The following NPAS2 variants were observed in gnomAD, a reference collection of about 807,000 sequenced individuals.
The protein encoded by NPAS2 is neuronal PAS domain-containing protein 2.
NPAS2 carries 23 observed loss-of-function variants against 107.5 expected under a neutral mutation model. The observed-to-expected ratio is 0.21, with a 90% confidence interval of 0.15 to 0.30. The LOEUF is 0.30. NPAS2 is among the 10% of genes least tolerant of loss of function. The pLI is 1.00. For missense variants in NPAS2, 756 were observed against 1,043.3 expected, an observed-to-expected ratio of 0.72 and a Z score of 3.79; for synonymous variants, 403 against 417.5, an observed-to-expected ratio of 0.97 and a Z score of 0.42.
intron 19 of NPAS2, among the ~76,000 whole-genome samples, chr2:100,993,023 G>C (rs746347076): frequency 6.6e-6 from 1 of 151,130 alleles, no homozygotes; most frequent in South Asian, 2.1e-4. Context: ...TCCACCTCCC[G>C]GGTTCAAGCT....
At chr2:100,867,021 G>T (rs550090521) in intron 1 of NPAS2, among the ~76,000 whole-genome samples, 1 of 152,164 alleles carries the variant, frequency 6.6e-6, no homozygotes, top group East Asian at 1.9e-4. Context: ...TGTAATATTT[G>T]GTCACCTGAC....
intron 15 of NPAS2, among the ~76,000 whole-genome samples, chr2:100,981,987 A>G (rs981891788): frequency 4.6e-5 from 7 of 152,210 alleles, no homozygotes; most frequent in African/African-American, 1.2e-4. Flanking sequence ...TCAGGTCTGC[A>G]GATTCAGGTG....
intron 1 of NPAS2, among the ~76,000 whole-genome samples, chr2:100,898,748 A>G (rs1490318237): frequency 6.6e-6 from 1 of 151,572 alleles, no homozygotes; most frequent in Non-Finnish European, 1.5e-5. Context: ...CAGCGTAATA[A>G]TTGGATCTAC....
chr2:100,862,520 G>C (rs546126554), intron 1 of NPAS2, among the ~76,000 whole-genome samples: 1 of 152,300 alleles, frequency 6.6e-6, no homozygotes, highest in South Asian at 2.1e-4. Context: ...GCAGAAGGCT[G>C]TGGTCAGGTC....
intron 7 of NPAS2, among the ~76,000 whole-genome samples, chr2:100,956,267 C>T (rs551940606): frequency 1.7e-4 from 26 of 152,248 alleles, no homozygotes; most frequent in Middle Eastern, 3.4e-3. Context: ...CCCTGCCTGA[C>T]GCTGAGGTTT....
At chr2:100,945,306 C>G (rs866572027) in intron 5 of NPAS2, among the ~76,000 whole-genome samples, 1 of 152,156 alleles carries the variant, frequency 6.6e-6, no homozygotes, top group African/African-American at 2.4e-5. Context: ...CAGGGAGGGG[C>G]TCTGCCTGCT....
At chr2:100,949,693 A>G (rs754236174) in intron 7 of NPAS2, among the ~76,000 whole-genome samples, 14 of 152,204 alleles carry the variant, frequency 9.2e-5, no homozygotes, top group Non-Finnish European at 2.1e-4. Context: ...GTGCCAGTGC[A>G]CACAGTCCCA....
chr2:100,940,747 G>C (rs1015462461), intron 5 of NPAS2, among the ~76,000 whole-genome samples: 3 of 152,196 alleles, frequency 2.0e-5, no homozygotes, highest in South Asian at 2.1e-4. Flanking sequence ...GCTGGGATTT[G>C]AACTCAGGCA....
At position 100,964,890 on chromosome 2, in the gene NPAS2, G is replaced by A. The variant is rs754891842; in HGVS notation, c.747G>A (p.Glu249=). 6.5e-5 allele frequency: 102 copies of A among 1,576,936 alleles called. No individual in the cohort carries two copies. Among genetic ancestry groups the A allele is most frequent in the Middle Eastern group, 5.0e-4 (3 of 5,996 alleles). ...KEMCIVDEPL[E]EFTSRHSLEW... is the part of the protein sequence containing the mutation. ...TGTGCATAGTTGACGAACCTTTAGA[G>A]GAATTCACTTCAAGGCATAGCTTGG... Residue 249 remains glutamate (E), a synonymous_variant, in exon 9 of 21, where the codon GAG becomes GAA. Coordinates refer to ENST00000335681, the MANE Select transcript of NPAS2 (RefSeq NM_002518.4).
At chr2:100,887,919 A>G (rs538510989) in intron 1 of NPAS2, among the ~76,000 whole-genome samples, 1 of 152,244 alleles carries the variant, frequency 6.6e-6, no homozygotes, top group Non-Finnish European at 1.5e-5. Context: ...GTTTGCCCAC[A>G]GCAGGCTAAG....
chr2:100,940,777 T>A (rs1356946813), intron 5 of NPAS2, among the ~76,000 whole-genome samples: 1 of 152,212 alleles, frequency 6.6e-6, no homozygotes, highest in Non-Finnish European at 1.5e-5. Context: ...CAGAGCTTGG[T>A]GCTTAACCAC....
At chr2:100,903,841 G>A (rs1354594902) in intron 1 of NPAS2, among the ~76,000 whole-genome samples, 1 of 152,128 alleles carries the variant, frequency 6.6e-6, no homozygotes, top group Non-Finnish European at 1.5e-5. Flanking sequence ...GGGGCTCTGG[G>A]AAATGTGTGA....
At chr2:100,954,058 C>G (rs189402961) in intron 7 of NPAS2, among the ~76,000 whole-genome samples, 1 of 152,186 alleles carries the variant, frequency 6.6e-6, no homozygotes, top group East Asian at 1.9e-4. Flanking sequence ...GCCGAGGGAA[C>G]CTTTATTGTC....
intron 2 of NPAS2, among the ~76,000 whole-genome samples, chr2:100,912,598 C>A (rs1682628280): frequency 6.6e-6 from 1 of 152,192 alleles, no homozygotes; most frequent in Admixed American, 6.5e-5. Context: ...GTGGGTAGAA[C>A]CCCCTGAAGA....
intron 5 of NPAS2, among the ~76,000 whole-genome samples, chr2:100,943,742 A>G (rs1369234671): frequency 6.6e-6 from 1 of 152,204 alleles, no homozygotes; most frequent in Non-Finnish European, 1.5e-5. Context: ...GATGAGCAGA[A>G]ACTGTACCTG....
chr2:100,996,101 T>G lies in NPAS2; in HGVS notation c.*519T>G. ...TGCACAGCTACACAGAGGAAATAACTTAGGCACTTTCTGTTTTTTTTAAAA... is the reference window on the plus strand; with the variant it reads ...TGCACAGCTACACAGAGGAAATAACGTAGGCACTTTCTGTTTTTTTTAAAA... On this transcript the variant is annotated 3_prime_UTR_variant, in exon 21 of 21. Transcript: ENST00000335681. 1.8e-6 allele frequency: 1 copy of G among 551,084 alleles called. No individual in the cohort carries two copies. The highest frequency in any genetic ancestry group is 2.6e-6 in the Non-Finnish European group (1 of 390,688). The allele number at this position is 551,084 out of a possible 1,614,324, so 34.1% of individuals were successfully genotyped here. A position where few individuals can be genotyped will look rare whatever the true frequency, so the allele number is the denominator to read the frequency against.
chr2:100,819,798 C>T (rs200226624), upstream of NPAS2, among the ~76,000 whole-genome samples: 3 of 147,772 alleles, frequency 2.0e-5, no homozygotes, highest in Admixed American at 1.3e-4. This position sits in a 1 kb window ranked among gnomAD's most constrained non-coding sequence, Gnocchi z 5.8. Flanking sequence ...ACAACCCCCC[C>T]CTCCCCCAGC....
chr2:100,914,167 G>A (rs1682725489), intron 2 of NPAS2, among the ~76,000 whole-genome samples: 1 of 152,234 alleles, frequency 6.6e-6, no homozygotes, highest in South Asian at 2.1e-4. Flanking sequence ...GGGTATGGGT[G>A]TGGGTGTGTG....
chr2:100,823,871 C>A (rs545487381), intron 1 of NPAS2: 7 of 152,310 alleles, frequency 4.6e-5, no homozygotes, highest in Non-Finnish European at 1.0e-4. Flanking sequence ...ACATTGCTGA[C>A]CTTGACCTGT....
Sources: gnomAD v4.1 joint callset for allele counts (sites outside exome capture counted in the v4.1 genomes callset) on GRCh38, gnomAD v4.1.1 for gene constraint, Gnocchi (gnomAD v3.1) non-coding constraint, MANE v1.5 for transcripts, NCBI Gene and HGNC (gene_info 2026-07-23, HGNC 2026-07-21) for gene names.